PTPRD: variants seen among roughly 807,000 people sequenced by gnomAD.
PTPRD encodes the protein protein tyrosine phosphatase receptor type D.
In PTPRD, 34 loss-of-function variants were observed where a neutral mutation model predicts 214.5. The ratio of observed to expected loss-of-function variants is 0.16; its 90% CI spans 0.12 to 0.21. The LOEUF is 0.21. Ranked by LOEUF, PTPRD falls within the 10% of genes least tolerant of loss-of-function variation. The probability of loss-of-function intolerance (pLI) is 1.00; values close to 1 mark genes in which losing one functional copy is unlikely to be tolerated. For synonymous variants in PTPRD, 1,128 were observed against 845.7 expected, an observed-to-expected ratio of 1.33 and a Z score of -5.79; for missense variants, 2,545 against 2,398.7, an observed-to-expected ratio of 1.06 and a Z score of -1.27.
intron 10 of PTPRD, among the ~76,000 whole-genome samples, chr9:9,024,534 C>T (rs1004330111): frequency 2.6e-5 from 4 of 151,570 alleles, no homozygotes; most frequent in African/African-American, 9.7e-5. Flanking sequence ...ACATTTATCA[C>T]TCCTACAAGC....
chr9:9,736,814 T>C (rs932419138), intron 6 of PTPRD, among the ~76,000 whole-genome samples: 1 of 152,068 alleles, frequency 6.6e-6, no homozygotes, highest in African/African-American at 2.4e-5. Flanking sequence ...ACAGAAGTGC[T>C]TTATGTATTC....
At chr9:9,574,981 G>A (rs1357689197) in intron 7 of PTPRD, among the ~76,000 whole-genome samples, 200 bp from the exon 8 acceptor site, 1 of 152,116 alleles carries the variant, frequency 6.6e-6, no homozygotes, top group Non-Finnish European at 1.5e-5. Flanking sequence ...AAAGTATTGT[G>A]ATTTGGGCTC....
chr9:9,748,716 G>A (rs571057331), intron 6 of PTPRD, among the ~76,000 whole-genome samples: 4 of 152,186 alleles, frequency 2.6e-5, no homozygotes, highest in South Asian at 2.1e-4. Flanking sequence ...TCAGGCTTTC[G>A]TTTCTTTGGC....
chr9:8,782,184 ATGTGT>A, intron 11 of PTPRD, among the ~76,000 whole-genome samples: 1 of 151,438 alleles, frequency 6.6e-6, no homozygotes, highest in African/African-American at 2.4e-5. Context: ...AAAATTGCAT[ATGTGT>A]ACATATACAA....
chr9:8,812,279 T>A (rs534161879), intron 11 of PTPRD, among the ~76,000 whole-genome samples: 128 of 152,286 alleles, frequency 8.4e-4, no homozygotes, highest in African/African-American at 2.9e-3. Context: ...TATTTATAGG[T>A]CTACACATGT....
chr9:9,193,977 T>C (rs2099936777), intron 9 of PTPRD, among the ~76,000 whole-genome samples: 3 of 152,144 alleles, frequency 2.0e-5, no homozygotes, highest in African/African-American at 7.2e-5. Context: ...AACACAGACC[T>C]ATTGTACAGC....
intron 5 of PTPRD, among the ~76,000 whole-genome samples, chr9:9,937,469 A>C (rs1049546794): frequency 7.0e-4 from 106 of 151,720 alleles, no homozygotes; most frequent in African/African-American, 2.4e-3. Flanking sequence ...ATTAGAAAAA[A>C]TATTTTATAA....
chr9:8,713,895 G>GAA (rs149237265), intron 12 of PTPRD: 82 of 699,688 alleles, frequency 1.2e-4, no homozygotes, highest in East Asian at 2.4e-4. Flanking sequence ...CGCCCCGGTG[G>GAA]AAAAAAAAAA....
chr9:8,525,331 G>A (rs2073814781), intron 17 of PTPRD: 1 of 458,080 alleles, frequency 2.2e-6, no homozygotes, highest in Non-Finnish European at 4.0e-6. Context: ...AATGAAGATG[G>A]GTGAGACTGC....
At chr9:9,769,074 G>C (rs1167053558) in intron 5 of PTPRD, among the ~76,000 whole-genome samples, 1 of 151,834 alleles carries the variant, frequency 6.6e-6, no homozygotes, top group Admixed American at 6.6e-5. Context: ...TTTAATATAG[G>C]CTAATATTAG....
At chr9:8,779,491 A>T (rs573239935) in intron 11 of PTPRD, among the ~76,000 whole-genome samples, 1 of 152,164 alleles carries the variant, frequency 6.6e-6, no homozygotes, top group South Asian at 2.1e-4. Context: ...TATCCTTCCA[A>T]TTATTAGAAA....
intron 5 of PTPRD, among the ~76,000 whole-genome samples, chr9:9,868,404 A>T (rs1303906128): frequency 6.6e-6 from 1 of 152,178 alleles, no homozygotes; most frequent in African/African-American, 2.4e-5. Flanking sequence ...ACACTGAAGA[A>T]GAACACAGTT....
At chr9:9,418,288 T>A (rs2077580905) in intron 8 of PTPRD, among the ~76,000 whole-genome samples, 1 of 152,050 alleles carries the variant, frequency 6.6e-6, no homozygotes, top group Non-Finnish European at 1.5e-5. Flanking sequence ...TTAGGCATCC[T>A]GATGGTTATT....
intron 4 of PTPRD, among the ~76,000 whole-genome samples, chr9:10,020,397 G>A (rs1589090036): frequency 6.8e-6 from 1 of 147,414 alleles, no homozygotes; most frequent in East Asian, 2.0e-4. Flanking sequence ...CACTTCTCGG[G>A]TTCAAGCGAT....
At chr9:10,260,934 T>G (rs892681898) in intron 3 of PTPRD, among the ~76,000 whole-genome samples, 2 of 150,376 alleles carry the variant, frequency 1.3e-5, no homozygotes, top group African/African-American at 4.9e-5. Context: ...GGAATTATAT[T>G]ATTTAGGGCA....
intron 12 of PTPRD, among the ~76,000 whole-genome samples, chr9:8,730,682 T>G (rs970172009): frequency 6.6e-6 from 1 of 152,250 alleles, no homozygotes; most frequent in Non-Finnish European, 1.5e-5. Flanking sequence ...GAAGCTATTA[T>G]GAAAACTCAT....
At chr9:9,601,920 C>G (rs1260187669) in intron 7 of PTPRD, among the ~76,000 whole-genome samples, 1 of 151,980 alleles carries the variant, frequency 6.6e-6, no homozygotes, top group African/African-American at 2.4e-5. Context: ...TCATTATAGA[C>G]TCTTGGGTCA....
intron 11 of PTPRD, among the ~76,000 whole-genome samples, chr9:8,939,262 A>G (rs1311009346): frequency 6.6e-6 from 1 of 152,122 alleles, no homozygotes; most frequent in African/African-American, 2.4e-5. Flanking sequence ...TGAACAGCTC[A>G]TTTAAATTCT....
chr9:10,513,104 G>A (rs1327488005), intron 2 of PTPRD, among the ~76,000 whole-genome samples: 2 of 151,938 alleles, frequency 1.3e-5, no homozygotes, highest in Non-Finnish European at 2.9e-5. Flanking sequence ...ATTATTGAAG[G>A]ATAGAAAATG....
Sources: allele counts gnomAD v4.1 joint callset (sites outside exome capture counted in the v4.1 genomes callset), GRCh38; gene constraint gnomAD v4.1.1; transcripts MANE v1.5; gene names NCBI Gene and HGNC (gene_info 2026-07-23, HGNC 2026-07-21).